Variants in IL5RA observed in about 807,000 individuals in gnomAD.
IL5RA encodes interleukin-5 receptor subunit alpha.
IL5RA carries 49 observed loss-of-function variants against 50.0 expected under a neutral mutation model. That is an observed-to-expected ratio of 0.98 (90% CI 0.78 to 1.24). The LOEUF (loss-of-function observed/expected upper bound fraction) is 1.24. IL5RA is among the 50% of genes most tolerant of loss of function. IL5RA has a pLI of 0.00. For missense variants in IL5RA, 600 were observed against 500.4 expected, an observed-to-expected ratio of 1.20 and a Z score of -1.90; for synonymous variants, 202 against 174.0, an observed-to-expected ratio of 1.16 and a Z score of -1.26.
intron 1 of IL5RA, among the ~76,000 whole-genome samples, chr3:3,109,106 G>A (rs1704064753): frequency 6.6e-6 from 1 of 152,076 alleles, no homozygotes; most frequent in Admixed American, 6.5e-5. Context: ...TTAGGCTCAA[G>A]GGTATTAAAA....
chr3:3,074,121 G>A (rs192298967), intron 11 of IL5RA, among the ~76,000 whole-genome samples: 19 of 152,294 alleles, frequency 1.2e-4, no homozygotes, highest in Non-Finnish European at 1.5e-4. Context: ...GAACCTAAGC[G>A]CTCTGAATGG....
Position 3,102,680 on chromosome 3 carries a change from C to T in IL5RA, c.223G>A (p.Asp75Asn). 6.3e-7 allele frequency: 1 copy of T among 1,585,282 alleles called. No homozygotes were observed. The highest frequency in any genetic ancestry group is 8.6e-7 in the Non-Finnish European group (1 of 1,161,200). ...CCATTAGAATAAACACTTACGTCATCTTCTTTTGGAGCGTTTATTTTCACT... is the reference window on the plus strand; with the variant it reads ...CCATTAGAATAAACACTTACGTCATTTTCTTTTGGAGCGTTTATTTTCACT... ...YQVKINAPKE[D>N]DYETRITESK... The change falls in exon 4 of 12, where the codon GAT becomes AAT. Residue 75 changes from aspartate to asparagine, a missense_variant. Transcript: ENST00000446632.
intron 3 of IL5RA, among the ~76,000 whole-genome samples, chr3:3,104,594 C>G (rs79791148): frequency 9.5e-4 from 109 of 114,354 alleles, no homozygotes; most frequent in African/African-American, 2.8e-3. Context: ...GTCATGGGGC[C>G]TTCTAACTAC....
intron 10 of IL5RA, 51 bp downstream of exon 10, chr3:3,076,480 A>T: frequency 8.8e-7 from 1 of 1,131,258 alleles, no homozygotes; most frequent in Non-Finnish European, 1.3e-6. Flanking sequence ...AGCCTGTAAA[A>T]ATGCAGTACT....
Position 3,095,427 on chromosome 3 carries a change from G to T in IL5RA, c.727C>A (p.Leu243Met). 1 of 1,610,526 alleles carries T rather than the reference G, an allele frequency of 6.2e-7. No homozygotes were observed. The highest frequency in any genetic ancestry group is 8.5e-7 in the Non-Finnish European group (1 of 1,178,964). Residue 243 changes from leucine (L) to methionine (M), a missense_variant, in exon 8 of 12, where the codon CTG becomes ATG. Physicochemically the swap from Leu to Met is conservative, Grantham distance 15. Transcript: ENST00000446632. ...CCTTCAATCTCTGCTGTGACATTCA[G>T]TGGAGGATTTATTTGATCTAAGTTA... ...LHAIDQINPP[L>M]NVTAEIEGTR...
chr3:3,077,779 C>A (rs569770689), intron 9 of IL5RA, among the ~76,000 whole-genome samples: 1 of 151,928 alleles, frequency 6.6e-6, no homozygotes, highest in Admixed American at 6.6e-5. Context: ...CACCAGCCCC[C>A]CTGCAAAAAA....
chr3:3,079,036 C>A (rs1305903099), intron 9 of IL5RA, among the ~76,000 whole-genome samples: 2 of 152,122 alleles, frequency 1.3e-5, no homozygotes, highest in Non-Finnish European at 2.9e-5. Context: ...GAGTCCTCAG[C>A]TTTATTGCCC....
chr3:3,092,810 G>A lies in IL5RA; in HGVS notation c.856-448C>T, dbSNP rs1451577897. ...TCTTCTTTTTCCTTCTACTGATCAT[G>A]GTCGCCACCATCCAGCTAGTCCCCT... On this transcript the variant is annotated intron_variant, in intron 8 of 11. Coordinates refer to ENST00000446632, the MANE Select transcript of IL5RA (RefSeq NM_175726.4). This position sits in a 1 kb window ranked among gnomAD's most constrained non-coding sequence, Gnocchi z 4.2. Among the ~76,000 whole-genome samples the A allele has an allele frequency of 1.3e-5, 2 of 152,042 alleles. No individual in the cohort carries two copies. Among genetic ancestry groups the A allele is most frequent in the African/African-American group, 2.4e-5 (1 of 41,382 alleles).
Position 3,098,268 on chromosome 3 carries a change from C to G in IL5RA, c.390G>C (p.Val130=). The G allele has an allele frequency of 6.2e-7, 1 of 1,614,048 alleles. No individual in the cohort carries two copies. Among genetic ancestry groups the G allele is most frequent in the Non-Finnish European group, 8.5e-7 (1 of 1,179,948 alleles). ...APPGSPGTSI[V]NLTCTTNTTE... ...TAGTGTTTGTGGTGCAAGTTAAATT[C>G]ACAATTGAGGTTCCAGGAGACCCTA... Residue 130 remains valine, a synonymous_variant, in exon 6 of 12, where the codon GTG becomes GTC. Coordinates refer to ENST00000446632, the MANE Select transcript of IL5RA (RefSeq NM_175726.4).
At chr3:3,074,669 C>A in intron 11 of IL5RA, 113 bp downstream of exon 11, 2 of 610,816 alleles carry the variant, frequency 3.3e-6, no homozygotes, top group East Asian at 2.9e-5. Context: ...ATGCTCCTGG[C>A]CTTCTGAGTA....
rs202043351 is a variant in IL5RA, at chr3:3,095,456, A to T, written c.710-12T>A. On this transcript the variant is annotated splice_polypyrimidine_tract_variant and intron_variant, in intron 7 of 11. Transcript: ENST00000446632. Reference sequence around the variant, plus strand: ...AGGATTTATTTGATCTAAGTTAGGGAACGAAAGATCAGTGATTTTTTTTTT... The same window carrying T: ...AGGATTTATTTGATCTAAGTTAGGGTACGAAAGATCAGTGATTTTTTTTTT... 6.3e-7 allele frequency: 1 copy of T among 1,575,884 alleles called. No homozygotes were observed. Among genetic ancestry groups the T allele is most frequent in the East Asian group, 2.3e-5 (1 of 43,784 alleles).
chr3:3,079,047 A>G (rs1036218463), intron 9 of IL5RA, among the ~76,000 whole-genome samples: 1 of 152,006 alleles, frequency 6.6e-6, no homozygotes, highest in Admixed American at 6.6e-5. Flanking sequence ...TTTATTGCCC[A>G]TATCTCTTCT....
Position 3,092,992 on chromosome 3 carries a change from C to T in IL5RA, c.856-630G>A, listed in dbSNP as rs889738629. 1.3e-5 allele frequency among the ~76,000 whole-genome samples: 2 copies of T among 152,054 alleles called. No homozygotes were observed. Among genetic ancestry groups the T allele is most frequent in the Admixed American group, 6.6e-5 (1 of 15,246 alleles). ...GCTAACTGATATCATATGTCCATGT[C>T]GCCCCTCCCCACTCACATCCAGTTT... On this transcript the variant is annotated intron_variant, in intron 8 of 11. Coordinates refer to ENST00000446632, the MANE Select transcript of IL5RA (RefSeq NM_175726.4). This position sits in a 1 kb window ranked among gnomAD's most constrained non-coding sequence, Gnocchi z 4.2.
In IL5RA at chr3:3,095,373, G is replaced by C; in HGVS notation, c.781C>G (p.Pro261Ala). 2 of 1,608,844 alleles carry C rather than the reference G, an allele frequency of 1.2e-6. No homozygotes were observed. Among genetic ancestry groups the C allele is most frequent in the Non-Finnish European group, 1.7e-6 (2 of 1,175,356 alleles). ...GTRLSIQWEK[P>A]VSAFPIHCFD... Reference sequence around the variant, plus strand: ...CAATGGATTGGAAAAGCAGACACTGGTTTCTCCCATTGGATAGAGAGACGA... The same window carrying C: ...CAATGGATTGGAAAAGCAGACACTGCTTTCTCCCATTGGATAGAGAGACGA... Residue 261 changes from proline (P) to alanine (A), a missense_variant, in exon 8 of 12, where the codon CCA becomes GCA. Pro to Ala is a conservative substitution (Grantham distance 27). Transcript: ENST00000446632.
At chr3:3,079,228 T>G (rs1702585436) in intron 9 of IL5RA, among the ~76,000 whole-genome samples, 1 of 152,232 alleles carries the variant, frequency 6.6e-6, no homozygotes, top group Non-Finnish European at 1.5e-5. Context: ...TGGTCCTGCC[T>G]GACACTCAGC....
At chr3:3,070,358 G>A (rs1284200340) in intron 11 of IL5RA, 47 bp from the exon 12 acceptor site, 1 of 1,264,306 alleles carries the variant, frequency 7.9e-7, no homozygotes, top group Admixed American at 1.9e-5. Flanking sequence ...GAGAACTTTT[G>A]GGTTCTTTGA....
In IL5RA at chr3:3,069,298, T is replaced by C. The variant is rs1295901967; in HGVS notation, c.*927A>G. The stretch of plus-strand genomic sequence containing the variant: ...AGAATTTCTGTGTATATTGGGATAT[T>C]TGATGGAATGGCCTTGTAGAAACTT... On this transcript the variant is annotated 3_prime_UTR_variant, in exon 12 of 12. Transcript: ENST00000446632. The C allele has an allele frequency of 1.3e-5, 2 of 152,228 alleles. No individual in the cohort carries two copies. The highest frequency in any genetic ancestry group is 2.9e-5 in the Non-Finnish European group (2 of 68,054). The allele number at this position is 152,228 out of a possible 1,614,324, so 9.4% of individuals were successfully genotyped here.
Position 3,074,782 on chromosome 3 carries a change from C to T in IL5RA, c.1176G>A (p.Glu392=), listed in dbSNP as rs762044640. 4 of 1,576,378 alleles carry T rather than the reference C, an allele frequency of 2.5e-6. No homozygotes were observed. The African/African-American group carries it at 4.0e-5, about 16-fold the overall frequency. Residue 392 remains glutamate, a splice_region_variant and synonymous_variant, in exon 11 of 12, where the codon GAG becomes GAA. Coordinates refer to ENST00000446632, the MANE Select transcript of IL5RA (RefSeq NM_175726.4). ...IKDLFVTTNY[E]KAGSSETEIE... ...ATATCATAAGAACTTTCAACATTAC[C>T]TCATAGTTAGTGGTTACAAAGAGAT...
In IL5RA at chr3:3,069,491, G is replaced by A. The variant is rs900168919; in HGVS notation, c.*734C>T. On this transcript the variant is annotated 3_prime_UTR_variant, in exon 12 of 12. Transcript: ENST00000446632. ...CTCAGCACATTTCCAGAATATTAAG[G>A]CTTCCTTCAAGAATATAATATTTGA... 1 of 152,064 alleles carries A rather than the reference G, an allele frequency of 6.6e-6. No individual in the cohort carries two copies. The highest frequency in any genetic ancestry group is 2.4e-5 in the African/African-American group (1 of 41,384). The allele number at this position is 152,064 out of a possible 1,614,324, so 9.4% of individuals were successfully genotyped here.
Sources: gnomAD v4.1 joint callset for allele counts (sites outside exome capture counted in the v4.1 genomes callset) on GRCh38, gnomAD v4.1.1 for gene constraint, Gnocchi (gnomAD v3.1) non-coding constraint, MANE v1.5 for transcripts, NCBI Gene and HGNC (gene_info 2026-07-23, HGNC 2026-07-21) for gene names.